Variants in GSN observed in about 807,000 individuals in gnomAD.
GSN encodes actin-depolymerizing factor.
In GSN, 56 loss-of-function variants were observed where a neutral mutation model predicts 85.7. That is an observed-to-expected ratio of 0.65 (90% CI 0.53 to 0.82). GSN has a LOEUF of 0.82. Among genes scored for constraint, GSN ranks in the 40% least tolerant of loss-of-function variants. The pLI is 0.00. For missense variants in GSN, 857 were observed against 979.8 expected (o/e 0.87, Z 1.67); for synonymous variants, 373 against 399.1 (o/e 0.93, Z 0.78).
rs767972089 is a variant in GSN, at chr9:121,326,605, G to A, written c.1510G>A (p.Gly504Ser). 1.3e-5 allele frequency: 21 copies of A among 1,609,704 alleles called. No homozygotes were observed. The South Asian group carries it at 2.3e-4, about 18-fold the overall frequency. The change falls in exon 13 of 18, where the codon GGC becomes AGC. Residue 504 changes from glycine to serine, a missense_variant. Coordinates refer to ENST00000432226, the MANE Select transcript of GSN (RefSeq NM_198252.3). The stretch of plus-strand genomic sequence containing the variant: ...CTACAAGGGCGGCACCTCCCGCGAG[G>A]GCGGGCAGACAGCCCCTGCCAGCAC... Reference protein sequence around the residue: ...IIYKGGTSREGGQTAPASTRL... With the variant: ...IIYKGGTSRESGQTAPASTRL...
intron 1 of GSN, among the ~76,000 whole-genome samples, chr9:121,278,678 AC>A (rs141918263): frequency 0.012 from 1,804 of 152,280 alleles, 37 homozygotes; most frequent in African/African-American, 0.041. Context: ...CTGGAATGAA[AC>A]CCTTCTCTTT....
At chr9:121,218,085 A>G (rs1216443796) in intron 4 of GSN, among the ~76,000 whole-genome samples, 1 of 152,146 alleles carries the variant, frequency 6.6e-6, no homozygotes, top group East Asian at 1.9e-4. Context: ...TTTAGCTATG[A>G]CTAAGCATGT....
At chr9:121,205,769 G>A (rs1426402703), upstream of GSN, among the ~76,000 whole-genome samples, 1 of 151,950 alleles carries the variant, frequency 6.6e-6, no homozygotes, top group Non-Finnish European at 1.5e-5. Context: ...CTTCATTTCT[G>A]CTTGTATTTT....
At chr9:121,330,137 C>G (rs1476261435) in intron 16 of GSN, among the ~76,000 whole-genome samples, 2 of 152,202 alleles carry the variant, frequency 1.3e-5, no homozygotes, top group African/African-American at 4.8e-5. Flanking sequence ...GTTTGTTCAT[C>G]TGTTAGGGAT....
At chr9:121,268,779 A>G (rs1200773362) in intron 1 of GSN, among the ~76,000 whole-genome samples, 1 of 152,194 alleles carries the variant, frequency 6.6e-6, no homozygotes, top group Non-Finnish European at 1.5e-5. Flanking sequence ...CCGGCCCTGC[A>G]GTGTTCCCTT....
chr9:121,219,378 G>T (rs1274090324), intron 4 of GSN, among the ~76,000 whole-genome samples: 1 of 151,942 alleles, frequency 6.6e-6, no homozygotes, highest in African/African-American at 2.4e-5. Context: ...ATTACAGAGG[G>T]GAGCCACAGC....
chr9:121,305,918 C>T (rs1298881636), intron 4 of GSN, among the ~76,000 whole-genome samples: 3 of 152,206 alleles, frequency 2.0e-5, no homozygotes, highest in Non-Finnish European at 4.4e-5. Context: ...CTGTGAAAGC[C>T]TCTTCCTCTG....
intron 4 of GSN, among the ~76,000 whole-genome samples, chr9:121,306,735 C>A (rs2060460547): frequency 6.6e-6 from 1 of 152,246 alleles, no homozygotes; most frequent in South Asian, 2.1e-4. Flanking sequence ...AAACTTCTTT[C>A]CCCTGCCCTT....
chr9:121,302,203 C>A, intron 3 of GSN, 36 bp downstream of exon 3: 1 of 1,609,764 alleles, frequency 6.2e-7, no homozygotes, highest in South Asian at 1.1e-5. Context: ...GCCCCAGCCC[C>A]CATTCTGAAC....
chr9:121,290,285 G>A (rs547880386), intron 2 of GSN, among the ~76,000 whole-genome samples: 2 of 152,314 alleles, frequency 1.3e-5, no homozygotes, highest in African/African-American at 4.8e-5. Context: ...TCGTGCCAGG[G>A]ACTGTATTTT....
chr9:121,262,956 C>T (rs1346070485), intron 6 of GSN, among the ~76,000 whole-genome samples: 1 of 152,260 alleles, frequency 6.6e-6, no homozygotes, highest in African/African-American at 2.4e-5. Flanking sequence ...AACATCTGCT[C>T]TGTGCCAAGC....
rs762135634 is a variant in GSN at position 121,326,780 on chromosome 9, G to A, written c.1587+98G>A. ...AGGCACAGGAACGGGGGCAGGGGAT[G>A]GTGAATGACGGGGTAAGAAGCAGCT... On this transcript the variant is annotated intron_variant, in intron 13 of 17. Coordinates refer to ENST00000432226, the MANE Select transcript of GSN (RefSeq NM_198252.3). The A allele has an allele frequency of 1.0e-5, 11 of 1,073,188 alleles. 1 individual carries two copies. In the East Asian group the frequency reaches 2.4e-4, roughly 23 times the overall value. 66.5% of individuals were successfully genotyped at this position (1,073,188 alleles called of 1,614,324 possible).
chr9:121,217,787 A>T (rs2054092860), intron 4 of GSN, among the ~76,000 whole-genome samples: 1 of 142,776 alleles, frequency 7.0e-6, no homozygotes, highest in African/African-American at 2.6e-5. Context: ...TATTTCAAAT[A>T]ATATAGAAAT....
At chr9:121,314,178 C>T (rs2061472789) in intron 7 of GSN, among the ~76,000 whole-genome samples, 155 bp downstream of exon 7, 1 of 152,268 alleles carries the variant, frequency 6.6e-6, no homozygotes, top group Non-Finnish European at 1.5e-5. Context: ...TGCTCGTGTA[C>T]TTCCTTTGCT....
At chr9:121,221,576 C>G (rs948033334) in intron 4 of GSN, among the ~76,000 whole-genome samples, 1 of 152,204 alleles carries the variant, frequency 6.6e-6, no homozygotes, top group Admixed American at 6.5e-5. Context: ...GGTAAAAGAG[C>G]ATTAGGCCAG....
chr9:121,266,749 G>T (rs1023204159), upstream of GSN, among the ~76,000 whole-genome samples: 1 of 152,178 alleles, frequency 6.6e-6, no homozygotes, highest in South Asian at 2.1e-4. Context: ...TAGGAGGCCA[G>T]GTAGGGAGGT....
intron 11 of GSN, among the ~76,000 whole-genome samples, chr9:121,323,174 A>G (rs1420265910): frequency 6.6e-6 from 1 of 152,032 alleles, no homozygotes; most frequent in Non-Finnish European, 1.5e-5. Flanking sequence ...AATATTAGAC[A>G]CTTGCTGAAA....
chr9:121,315,198 C>T (rs1024039511), intron 7 of GSN, among the ~76,000 whole-genome samples: 6 of 152,178 alleles, frequency 3.9e-5, no homozygotes, highest in African/African-American at 1.4e-4. Context: ...ACTATTCATG[C>T]TGTTGTGTGG....
chr9:121,259,558 A>G (rs1183640120), intron 6 of GSN, among the ~76,000 whole-genome samples: 1 of 152,210 alleles, frequency 6.6e-6, no homozygotes, highest in Non-Finnish European at 1.5e-5. Context: ...CCTGACAGGA[A>G]CCAGCAGGAT....
Sources: gnomAD v4.1 joint callset for allele counts (sites outside exome capture counted in the v4.1 genomes callset) on GRCh38, gnomAD v4.1.1 for gene constraint, MANE v1.5 for transcripts, NCBI Gene and HGNC (gene_info 2026-07-23, HGNC 2026-07-21) for gene names.